DSC2: variants seen among roughly 807,000 people sequenced by gnomAD.
The protein encoded by DSC2 is desmocollin-2.
Under a neutral mutation model 87.6 loss-of-function variants are expected in DSC2, and 51 were observed. That is an observed-to-expected ratio of 0.58 (90% CI 0.46 to 0.74). The LOEUF (loss-of-function observed/expected upper bound fraction) is 0.74. Among genes scored for constraint, DSC2 ranks in the 30% least tolerant of loss-of-function variants. The pLI is 0.00. For synonymous variants in DSC2, 383 were observed against 393.2 expected (o/e 0.97, Z 0.31); for missense variants, 1,066 against 1,089.5 (o/e 0.98, Z 0.30).
At chr18:31,076,069 G>A (rs1361843823) in intron 11 of DSC2, among the ~76,000 whole-genome samples, 2 of 152,026 alleles carry the variant, frequency 1.3e-5, no homozygotes, top group African/African-American at 4.8e-5. Context: ...TAAAAAGAAG[G>A]CTTTTGACAT....
Position 31,102,066 on chromosome 18 carries a change from G to A in DSC2, c.-95C>T, listed in dbSNP as rs1386005114. 7 of 1,127,392 alleles carry A rather than the reference G, an allele frequency of 6.2e-6. No individual in the cohort carries two copies. 69.8% of individuals were successfully genotyped at this position (1,127,392 alleles called of 1,614,324 possible). A position where few individuals can be genotyped will look rare whatever the true frequency, so the allele number is the denominator to read the frequency against. On this transcript the variant is annotated 5_prime_UTR_variant, in exon 1 of 16. Coordinates refer to ENST00000280904, the MANE Select transcript of DSC2 (RefSeq NM_024422.6). ...CGCGGCCGGAGCGCAGTCTGGGCCC[G>A]CTGCTCAGGAGGAGCGCGAGGCGGA...
In DSC2 at chr18:31,080,332, C is replaced by T. The variant is rs1987176408; in HGVS notation, c.1284G>A (p.Lys428=). The T allele has an allele frequency of 3.7e-6, 6 of 1,613,886 alleles. No homozygotes were observed. The highest frequency in any genetic ancestry group is 5.1e-6 in the Non-Finnish European group (6 of 1,179,904). The change falls in exon 10 of 16, where the codon AAG becomes AAA. Residue 428 remains lysine (K), a synonymous_variant. Transcript: ENST00000280904. ...CVVKPLNYEE[K]QQMILQIGVV... is the part of the protein sequence containing the mutation. ...CACCAATTTGCAAGATCATCTGTTG[C>T]TTTTCTTCATAATTCAAAGGCTACG...
At chr18:31,084,796 A>G (rs1987342691) in intron 7 of DSC2, among the ~76,000 whole-genome samples, 2 of 152,116 alleles carry the variant, frequency 1.3e-5, no homozygotes, top group Non-Finnish European at 2.9e-5. Context: ...ATTTGTTGCC[A>G]ATGATAAATT....
At chr18:31,084,435 T>C (rs975404359) in intron 7 of DSC2, among the ~76,000 whole-genome samples, 90 of 152,264 alleles carry the variant, frequency 5.9e-4, no homozygotes, top group African/African-American at 2.0e-3. Flanking sequence ...AAGTATTAAC[T>C]TATGCTATCT....
At chr18:31,078,863 T>C (rs573274230) in intron 11 of DSC2, among the ~76,000 whole-genome samples, 2 of 152,316 alleles carry the variant, frequency 1.3e-5, no homozygotes, top group African/African-American at 4.8e-5. Context: ...AGAAATTATA[T>C]TTTATGCACC....
rs1986689119 is a variant in DSC2 at position 31,068,113 on chromosome 18, C to A, written c.2608G>T (p.Gly870Cys). ...EGRGSVAGSV[G>C]CCSERQEEDG... Reference sequence around the variant, plus strand: ...TCTTCTTGTCGTTCACTGCAACAACCTACAGACCCAGCCACCGATCCTCTT... The same window carrying A: ...TCTTCTTGTCGTTCACTGCAACAACATACAGACCCAGCCACCGATCCTCTT... The change falls in exon 16 of 16, where the codon GGT (glycine) becomes TGT (cysteine). Residue 870 changes from glycine to cysteine, a missense_variant. Gly to Cys is a radical substitution (Grantham distance 159). Coordinates refer to ENST00000280904, the MANE Select transcript of DSC2 (RefSeq NM_024422.6). The A allele has an allele frequency of 6.2e-7, 1 of 1,614,072 alleles. No individual in the cohort carries two copies.
At chr18:31,093,289 G>GC (rs1294908865) in intron 2 of DSC2, among the ~76,000 whole-genome samples, 1 of 151,982 alleles carries the variant, frequency 6.6e-6, no homozygotes, top group Non-Finnish European at 1.5e-5. Flanking sequence ...TGATGCTCTC[G>GC]CCCTCCCAGA....
intron 6 of DSC2, 152 bp from the exon 7 acceptor site, chr18:31,086,894 C>T: frequency 1.3e-6 from 1 of 755,530 alleles, no homozygotes; most frequent in Non-Finnish European, 2.2e-6. Context: ...CCTCTCCATA[C>T]AGTATCACTT....
Position 31,091,085 on chromosome 18 carries a change from T to G in DSC2, c.417A>C (p.Pro139=). The G allele has an allele frequency of 1.9e-6, 3 of 1,614,084 alleles. No homozygotes were observed. Among genetic ancestry groups the G allele is most frequent in the Non-Finnish European group, 2.5e-6 (3 of 1,179,960 alleles). ...AGTTTTCTAGCATCGAACAAGGAAT[T>G]GGAGCCCATCTTCTCTTGGCGCGCC... ...VLRRAKRRWA[P]IPCSMLENSL... is the part of the protein sequence containing the mutation. The change falls in exon 4 of 16, where the codon CCA becomes CCC. Residue 139 remains proline (P), a synonymous_variant. Transcript: ENST00000280904.
intron 7 of DSC2, among the ~76,000 whole-genome samples, chr18:31,085,286 T>A (rs930355134): frequency 2.0e-5 from 3 of 152,026 alleles, no homozygotes; most frequent in Non-Finnish European, 4.4e-5. Context: ...AATCCACCTG[T>A]CTTAAGCAAA....
At position 31,087,807 on chromosome 18, in the gene DSC2, C is replaced by G; in HGVS notation, c.637G>C (p.Ala213Pro). 6.2e-7 allele frequency: 1 copy of G among 1,613,492 alleles called. No homozygotes were observed. The highest frequency in any genetic ancestry group is 8.5e-7 in the Non-Finnish European group (1 of 1,179,722). Residue 213 changes from alanine to proline, a missense_variant, in exon 6 of 16, where the codon GCC becomes CCC. By Grantham distance (27) the Ala-to-Pro change is conservative. Coordinates refer to ENST00000280904, the MANE Select transcript of DSC2 (RefSeq NM_024422.6). The stretch of plus-strand genomic sequence containing the variant: ...TACCCATCTGGAGTTGTTGCAAAGG[C>G]AATTATCTGTGAAGAGAGTAAAATA... ...REQYESFEII[A>P]FATTPDGYTP...
At chr18:31,070,523 A>G (rs776449710) in intron 14 of DSC2, among the ~76,000 whole-genome samples, 3 of 152,238 alleles carry the variant, frequency 2.0e-5, no homozygotes, top group Non-Finnish European at 2.9e-5. Context: ...TTTTACTATT[A>G]AGTAACACAC....
In DSC2 at chr18:31,069,177, G is replaced by A. The variant is rs753733936; in HGVS notation, c.2251-26C>T. The stretch of plus-strand genomic sequence containing the variant: ...CTGAAATGAAAACAATTTGCATTAG[G>A]GATAATACAGAGAGGAACACAAAAT... On this transcript the variant is annotated intron_variant, in intron 14 of 15. Coordinates refer to ENST00000280904, the MANE Select transcript of DSC2 (RefSeq NM_024422.6). 1.3e-5 allele frequency: 21 copies of A among 1,613,638 alleles called. No individual in the cohort carries two copies. The Middle Eastern group carries it at 8.2e-4, about 63-fold the overall frequency.
intron 1 of DSC2, among the ~76,000 whole-genome samples, chr18:31,099,418 G>C (rs922655862): frequency 1.3e-5 from 2 of 152,176 alleles, no homozygotes; most frequent in African/African-American, 4.8e-5. Flanking sequence ...GAAAGTTCTA[G>C]AGATCTGCTA....
At position 31,101,610 on chromosome 18, in the gene DSC2, CCCAGGGGCCACGATTTTGG is replaced by C. The variant is rs1987959234; in HGVS notation, c.69+274_69+292del. 7.5e-6 allele frequency: 3 copies of C among 400,264 alleles called. 1 individual carries two copies. The South Asian group carries it at 1.2e-4, about 17-fold the overall frequency. The allele number at this position is 400,264 out of a possible 1,614,324, so 24.8% of individuals were successfully genotyped here. On this transcript the variant is annotated intron_variant, in intron 1 of 15. Transcript: ENST00000280904. ...GGCGCACCCTGCTCCCCGGCGCGTA[CCCAGGGGCCACGATTTTGG>C]CTGGGCGAAAGCGGCCCGCTCCCGC...
At chr18:31,099,994 T>C (rs1377693692) in intron 1 of DSC2, among the ~76,000 whole-genome samples, 2 of 152,120 alleles carry the variant, frequency 1.3e-5, no homozygotes, top group Non-Finnish European at 2.9e-5. Flanking sequence ...TTAGCCTCTC[T>C]CCAGTGACTT....
At chr18:31,098,423 G>T (rs1431080307) in intron 1 of DSC2, among the ~76,000 whole-genome samples, 1 of 151,924 alleles carries the variant, frequency 6.6e-6, no homozygotes, top group African/African-American at 2.4e-5. Flanking sequence ...CATATACAAT[G>T]TTTATGGAGG....
At chr18:31,077,851 C>G (rs1055978942) in intron 11 of DSC2, among the ~76,000 whole-genome samples, 1 of 152,074 alleles carries the variant, frequency 6.6e-6, no homozygotes, top group Non-Finnish European at 1.5e-5. Flanking sequence ...ACAATAGAAA[C>G]ATTAATCTCA....
At chr18:31,091,439 C>T (rs1987596112) in intron 3 of DSC2, 14 of 526,276 alleles carry the variant, frequency 2.7e-5, no homozygotes, top group South Asian at 2.2e-4. Context: ...TACTGTTGCC[C>T]CATTGCCATG....
Sources: allele counts gnomAD v4.1 joint callset (sites outside exome capture counted in the v4.1 genomes callset), GRCh38; gene constraint gnomAD v4.1.1; transcripts MANE v1.5; gene names NCBI Gene and HGNC (gene_info 2026-07-23, HGNC 2026-07-21).